The following ZNF704 variants were observed in gnomAD, a reference collection of about 807,000 sequenced individuals.
ZNF704 encodes glucocorticoid induced gene 1.
ZNF704 carries 10 observed loss-of-function variants against 44.7 expected under a neutral mutation model. The observed-to-expected ratio is 0.22, with a 90% CI of 0.14 to 0.38. ZNF704 has a LOEUF of 0.38. Ranked by LOEUF, ZNF704 falls within the 10% of genes least tolerant of loss-of-function variation. The pLI is 1.00. For missense variants in ZNF704, 390 were observed against 545.5 expected, an observed-to-expected ratio of 0.71 and a Z score of 2.84; for synonymous variants, 211 against 207.6, an observed-to-expected ratio of 1.02 and a Z score of -0.14.
At position 80,874,384 on chromosome 8, in the gene ZNF704, G is replaced by A. The variant is rs1357730220; in HGVS notation, c.-22+187C>T. On this transcript the variant is annotated intron_variant, in intron 1 of 8. Transcript: ENST00000327835. This position sits in a 1 kb window ranked among gnomAD's most constrained non-coding sequence, Gnocchi z 4.4. ...GCTGCGCTCCATGCGGCCGGCGGCC[G>A]AGCCCGCGCGCGCCTCTCCCGGCCG... is the stretch of plus-strand genomic sequence containing the variant. Among the ~76,000 whole-genome samples, 1 of 146,792 alleles carries A rather than the reference G, an allele frequency of 6.8e-6. No homozygotes were observed. Among genetic ancestry groups the A allele is most frequent in the African/African-American group, 2.4e-5 (1 of 40,818 alleles).
At chr8:80,722,472 TG>T (rs1806387507) in intron 2 of ZNF704, among the ~76,000 whole-genome samples, 2 of 152,212 alleles carry the variant, frequency 1.3e-5, no homozygotes, top group South Asian at 4.1e-4. Context: ...TCTCAATAAG[TG>T]TAAGTTATCA....
At chr8:80,708,439 G>C (rs1276044785) in intron 2 of ZNF704, among the ~76,000 whole-genome samples, 1 of 152,244 alleles carries the variant, frequency 6.6e-6, no homozygotes, top group African/African-American at 2.4e-5. Flanking sequence ...ATGCCAAACA[G>C]GGCTTAGGCA....
chr8:80,779,117 A>G (rs1387814750), intron 2 of ZNF704, among the ~76,000 whole-genome samples: 3 of 137,240 alleles, frequency 2.2e-5, no homozygotes, highest in African/African-American at 8.2e-5. Context: ...CCTCTCCTTC[A>G]TTCTTTCCTT....
chr8:80,682,951 G>T (rs1007169397), intron 4 of ZNF704, among the ~76,000 whole-genome samples: 2 of 152,184 alleles, frequency 1.3e-5, no homozygotes, highest in African/African-American at 4.8e-5. Flanking sequence ...TCCAGAATCT[G>T]ACAGAATCAG....
chr8:80,755,175 G>GA (rs1807014162), intron 2 of ZNF704, among the ~76,000 whole-genome samples: 1 of 152,008 alleles, frequency 6.6e-6, no homozygotes, highest in Admixed American at 6.6e-5. Context: ...CACTTAAAAA[G>GA]AAAAAACAGG....
At chr8:80,689,728 T>C (rs925383423) in intron 3 of ZNF704, among the ~76,000 whole-genome samples, 13 of 152,362 alleles carry the variant, frequency 8.5e-5, no homozygotes, top group African/African-American at 3.1e-4. Context: ...TGTGGTTACA[T>C]GGCTTCATGT....
intron 2 of ZNF704, among the ~76,000 whole-genome samples, chr8:80,698,290 C>G (rs1321842815): frequency 2.0e-5 from 3 of 152,120 alleles, no homozygotes; most frequent in African/African-American, 7.2e-5. Context: ...TGAGGACCAA[C>G]CTAGGTACTT....
intron 4 of ZNF704, among the ~76,000 whole-genome samples, chr8:80,674,553 C>T (rs1445573720): frequency 6.6e-6 from 1 of 152,090 alleles, no homozygotes; most frequent in Non-Finnish European, 1.5e-5. Context: ...TTTACAACAA[C>T]CCACTCTCCA....
intron 6 of ZNF704, among the ~76,000 whole-genome samples, chr8:80,661,064 C>T (rs932716699): frequency 3.6e-4 from 55 of 152,240 alleles, no homozygotes; most frequent in African/African-American, 1.3e-3. Context: ...AGACTACTAT[C>T]CAGAATATAC....
chr8:80,822,927 T>C (rs949642192), intron 1 of ZNF704, among the ~76,000 whole-genome samples: 3 of 152,196 alleles, frequency 2.0e-5, no homozygotes, highest in Non-Finnish European at 4.4e-5. Flanking sequence ...GTTTAAGATC[T>C]TTGTAGATTC....
chr8:80,765,763 A>AT (rs1807216700), intron 2 of ZNF704, among the ~76,000 whole-genome samples: 2 of 152,044 alleles, frequency 1.3e-5, no homozygotes, highest in African/African-American at 4.8e-5. Flanking sequence ...ATCTTTTGAG[A>AT]TTTTCAGCAG....
chr8:80,827,908 T>C (rs1808406662), intron 1 of ZNF704, among the ~76,000 whole-genome samples: 1 of 152,180 alleles, frequency 6.6e-6, no homozygotes, highest in African/African-American at 2.4e-5. Flanking sequence ...TTACACCTTA[T>C]ACAAAAATTA....
intron 1 of ZNF704, among the ~76,000 whole-genome samples, chr8:80,824,698 G>A (rs1316622351): frequency 1.3e-5 from 2 of 152,234 alleles, no homozygotes; most frequent in African/African-American, 4.8e-5. Context: ...CCCACAAAGG[G>A]AAGCCCATCA....
At chr8:80,883,235 G>T in the ZNF704 span, among the ~76,000 whole-genome samples, 1 of 114,168 alleles carries the variant, frequency 8.8e-6, no homozygotes, top group Non-Finnish European at 1.7e-5. Context: ...GACAGAGTGA[G>T]ACACCCTCTC....
At chr8:80,862,020 T>G (rs1809070884) in intron 1 of ZNF704, among the ~76,000 whole-genome samples, 1 of 134,004 alleles carries the variant, frequency 7.5e-6, no homozygotes, top group Non-Finnish European at 1.6e-5. Flanking sequence ...TTTTTTTTTT[T>G]GAGATAGAGT....
intron 2 of ZNF704, among the ~76,000 whole-genome samples, chr8:80,791,590 G>A (rs1459575524): frequency 2.0e-5 from 3 of 152,180 alleles, no homozygotes; most frequent in Admixed American, 2.0e-4. Flanking sequence ...GACTCACTGA[G>A]CTCCTCTCTT....
At chr8:80,836,944 G>A (rs1345063632) in intron 1 of ZNF704, among the ~76,000 whole-genome samples, 1 of 151,924 alleles carries the variant, frequency 6.6e-6, no homozygotes, top group East Asian at 1.9e-4. Context: ...GAAGATAACA[G>A]GCATTTTTTT....
chr8:80,691,041 T>C (rs571046687), intron 3 of ZNF704, among the ~76,000 whole-genome samples: 1 of 152,152 alleles, frequency 6.6e-6, no homozygotes, highest in South Asian at 2.1e-4. Flanking sequence ...GGAAGTGTTA[T>C]CCCAGCTTGA....
intron 2 of ZNF704, among the ~76,000 whole-genome samples, chr8:80,809,860 A>C (rs1390906954): frequency 6.6e-6 from 1 of 151,986 alleles, no homozygotes; most frequent in East Asian, 1.9e-4. Context: ...ACTCATATCT[A>C]CTTTCTTTTG....
Sources: allele counts gnomAD v4.1 joint callset (sites outside exome capture counted in the v4.1 genomes callset), GRCh38; gene constraint gnomAD v4.1.1; non-coding constraint Gnocchi (gnomAD v3.1); transcripts MANE v1.5; gene names NCBI Gene and HGNC (gene_info 2026-07-23, HGNC 2026-07-21).